Variants in KDM5A observed in about 807,000 individuals in gnomAD.
KDM5A encodes lysine demethylase 5A.
Under a neutral mutation model 193.5 loss-of-function variants are expected in KDM5A, and 42 were observed. That is an observed-to-expected ratio of 0.22 (90% CI 0.17 to 0.28). The LOEUF (loss-of-function observed/expected upper bound fraction) is 0.28, where lower values mean the gene tolerates loss of function less well. KDM5A is among the 10% of genes least tolerant of loss of function. KDM5A has a pLI of 1.00. For missense variants in KDM5A, 1,692 were observed against 2,055.1 expected, an observed-to-expected ratio of 0.82 and a Z score of 3.42; for synonymous variants, 796 against 718.1, an observed-to-expected ratio of 1.11 and a Z score of -1.73.
Position 282,893 on chromosome 12 carries a change from AT to A in KDM5A, c.*2562del, listed in dbSNP as rs1277810461. The A allele has an allele frequency of 1.3e-5, 3 of 232,316 alleles. No individual in the cohort carries two copies. The highest frequency in any genetic ancestry group is 5.6e-5 in the Admixed American group (1 of 17,762). The allele number at this position is 232,316 out of a possible 1,614,324, so 14.4% of individuals were successfully genotyped here. Reference sequence around the variant, plus strand: ...TGTTTCATTAATTCCAAAACCGCAGATTTGTGTATTTTTTGTTTTGCCATTA... The same window carrying A: ...TGTTTCATTAATTCCAAAACCGCAGATTGTGTATTTTTTGTTTTGCCATTA... On this transcript the variant is annotated 3_prime_UTR_variant, in exon 28 of 28. Coordinates refer to ENST00000399788, the MANE Select transcript of KDM5A (RefSeq NM_001042603.3).
chr12:322,246 A>C, intron 17 of KDM5A, 171 bp downstream of exon 17: 1 of 638,144 alleles, frequency 1.6e-6, no homozygotes, highest in Non-Finnish European at 2.8e-6. Flanking sequence ...GGCTGGAGCA[A>C]GAAAGAAGGG....
At chr12:336,606 CG>C (rs1190999233) in intron 10 of KDM5A, among the ~76,000 whole-genome samples, 2 of 151,936 alleles carry the variant, frequency 1.3e-5, no homozygotes, top group Non-Finnish European at 2.9e-5. Flanking sequence ...ACTGGGAGGC[CG>C]AAGCTGGTGG....
At chr12:333,723 C>T (rs891209462) in intron 11 of KDM5A, 74 bp from the exon 12 acceptor site, 88 of 1,345,268 alleles carry the variant, frequency 6.5e-5, no homozygotes, top group Non-Finnish European at 7.0e-5. Context: ...TTCCAATCCA[C>T]CAAATTATAA....
At chr12:387,410 A>T (rs1944650763) in intron 1 of KDM5A, 1 of 209,052 alleles carries the variant, frequency 4.8e-6, no homozygotes, top group Non-Finnish European at 9.7e-6. Flanking sequence ...TCTAATTAAT[A>T]AATTCAAGAG....
chr12:368,067 T>A (rs1944379914), intron 3 of KDM5A, among the ~76,000 whole-genome samples: 1 of 152,182 alleles, frequency 6.6e-6, no homozygotes, highest in African/African-American at 2.4e-5. Context: ...AAATGTAGTA[T>A]AATAAAATAC....
chr12:375,083 T>C (rs1944485109), intron 3 of KDM5A, among the ~76,000 whole-genome samples: 1 of 152,176 alleles, frequency 6.6e-6, no homozygotes, highest in South Asian at 2.1e-4. Flanking sequence ...GGAGTATCTT[T>C]GTGGCGTTCT....
At chr12:376,205 C>T (rs913465200) in intron 3 of KDM5A, among the ~76,000 whole-genome samples, 18 of 152,314 alleles carry the variant, frequency 1.2e-4, no homozygotes, top group African/African-American at 3.8e-4. Context: ...AGGCAGGCCT[C>T]CTTGAGCTGC....
At chr12:364,710 A>G (rs1343021620) in intron 4 of KDM5A, among the ~76,000 whole-genome samples, 7 of 135,578 alleles carry the variant, frequency 5.2e-5, no homozygotes, top group African/African-American at 1.4e-4. Flanking sequence ...GCGTGAGCCC[A>G]GGAGGCGGAG....
rs1943318376 is a variant in KDM5A at position 292,926 on chromosome 12, TCTC to T, written c.4696_4698del (p.Glu1566del). On this transcript the variant is annotated inframe_deletion, in exon 27 of 28. Transcript: ENST00000399788. ...AGTTCAACTTTGGCTGCAGCAGCCT[TCTC>T]CTTCTTTTTCTTTCTCTCTTCTTCT... 1.5e-5 allele frequency: 24 copies of T among 1,613,824 alleles called. No individual in the cohort carries two copies. The highest frequency in any genetic ancestry group is 3.3e-5 in the Admixed American group (2 of 60,004).
intron 10 of KDM5A, among the ~76,000 whole-genome samples, chr12:350,053 G>A (rs557224955): frequency 4.2e-4 from 64 of 151,904 alleles, no homozygotes; most frequent in African/African-American, 1.4e-3. Flanking sequence ...GCTTGAACCC[G>A]GGAGGTGGAG....
chr12:363,127 G>C (rs1944313140), intron 4 of KDM5A, 30 bp from the exon 5 acceptor site: 1 of 1,613,192 alleles, frequency 6.2e-7, no homozygotes, highest in South Asian at 1.1e-5. Flanking sequence ...AAAGAGAGCA[G>C]GTTCACTGAT....
chr12:285,758 A>C lies in KDM5A; in HGVS notation c.4867-96T>G, dbSNP rs1011163001. 6.7e-6 allele frequency: 7 copies of C among 1,048,008 alleles called. No individual in the cohort carries two copies. The African/African-American group carries it at 1.1e-4, about 17-fold the overall frequency. 64.9% of individuals were successfully genotyped at this position (1,048,008 alleles called of 1,614,324 possible). A position where few individuals can be genotyped will look rare whatever the true frequency, so the allele number is the denominator to read the frequency against. The stretch of plus-strand genomic sequence containing the variant: ...AGCTTTCTTGGCTTAAACAATAGCA[A>C]ACAACTGGGATGTCTAGATAGGCAA... On this transcript the variant is annotated intron_variant, in intron 27 of 27. Transcript: ENST00000399788.
intron 6 of KDM5A, among the ~76,000 whole-genome samples, chr12:355,467 C>A (rs1944220356): frequency 6.6e-6 from 1 of 152,156 alleles, no homozygotes; most frequent in South Asian, 2.1e-4. Context: ...ATTTAAGATT[C>A]TAATCCAGTC....
At chr12:357,870 T>C (rs7307606) in intron 5 of KDM5A, among the ~76,000 whole-genome samples, 118,353 of 140,054 alleles carry the variant, frequency 0.85, 50,246 homozygotes, top group African/African-American at 0.94. Context: ...TTTGCCCCAA[T>C]TCCCTTCCTT....
rs1254555647 is a variant in KDM5A, at chr12:283,682, T to C, written c.*1774A>G. Reference sequence around the variant, plus strand: ...GGGGCAAAAAGGGAAGAGGAAACTATAAGCTGTTGCTAGGTCCACCCCAAT... The same window carrying C: ...GGGGCAAAAAGGGAAGAGGAAACTACAAGCTGTTGCTAGGTCCACCCCAAT... On this transcript the variant is annotated 3_prime_UTR_variant, in exon 28 of 28. Transcript: ENST00000399788. 4.7e-5 allele frequency: 11 copies of C among 233,336 alleles called. No individual in the cohort carries two copies. The highest frequency in any genetic ancestry group is 2.2e-4 in the African/African-American group (10 of 45,430). 14.5% of individuals were successfully genotyped at this position (233,336 alleles called of 1,614,324 possible). A position where few individuals can be genotyped will look rare whatever the true frequency, so the allele number is the denominator to read the frequency against.
intron 27 of KDM5A, 123 bp from the exon 28 acceptor site, chr12:285,785 G>T: frequency 2.4e-6 from 2 of 824,598 alleles, no homozygotes; most frequent in South Asian, 2.8e-5. Context: ...GATAGGCAAT[G>T]ACTTCTTATG....
chr12:305,846 G>A (rs557677205), intron 24 of KDM5A, among the ~76,000 whole-genome samples: 1 of 152,014 alleles, frequency 6.6e-6, no homozygotes, highest in Non-Finnish European at 1.5e-5. Flanking sequence ...TGTTGTATCT[G>A]CAACTGGAAC....
At chr12:301,466 C>T (rs1031824089) in intron 24 of KDM5A, among the ~76,000 whole-genome samples, 8 of 152,098 alleles carry the variant, frequency 5.3e-5, no homozygotes, top group Non-Finnish European at 1.0e-4. Flanking sequence ...AAAAGGCCTT[C>T]AACAAAATTC....
chr12:325,533 G>A (rs1391294735), intron 14 of KDM5A, among the ~76,000 whole-genome samples: 1 of 151,278 alleles, frequency 6.6e-6, no homozygotes, highest in Non-Finnish European at 1.5e-5. Context: ...AAAAATTACT[G>A]GGTGTGGTGG....
Sources: allele counts gnomAD v4.1 joint callset (sites outside exome capture counted in the v4.1 genomes callset), GRCh38; gene constraint gnomAD v4.1.1; transcripts MANE v1.5; gene names NCBI Gene and HGNC (gene_info 2026-07-23, HGNC 2026-07-21).